Variants in PLEKHG5 observed in about 807,000 individuals in gnomAD.
PLEKHG5 encodes pleckstrin homology and RhoGEF domain containing G5.
In PLEKHG5, 52 loss-of-function variants were observed where a neutral mutation model predicts 103.8. That is an observed-to-expected ratio of 0.50 (90% CI 0.40 to 0.63). The LOEUF (loss-of-function observed/expected upper bound fraction) is 0.63. Among genes scored for constraint, PLEKHG5 ranks in the 30% least tolerant of loss-of-function variants. The pLI is 0.00. For synonymous variants in PLEKHG5, 592 were observed against 575.5 expected (o/e 1.03, Z -0.41); for missense variants, 1,205 against 1,347.6 (o/e 0.89, Z 1.66).
Position 6,467,868 on chromosome 1 carries a change from G to A in PLEKHG5, c.2968C>T (p.Arg990Ter), listed in dbSNP as rs772171318. 5.6e-6 allele frequency: 9 copies of A among 1,612,670 alleles called. No homozygotes were observed. Among genetic ancestry groups the A allele is most frequent in the South Asian group, 1.1e-5 (1 of 90,920 alleles). The change falls in exon 20 of 21, where the codon CGA becomes TGA. Residue 990 changes from arginine (R) to a stop codon, truncating the protein, a stop_gained. Transcript: ENST00000377728. LOFTEE classifies it high-confidence loss of function. Reference sequence around the variant, plus strand: ...TTAAGCAGCAGGGTGGTCCTGATTCGGTAGAGCTGGGCCAGGGTCAGCTTC... The same window carrying A: ...TTAAGCAGCAGGGTGGTCCTGATTCAGTAGAGCTGGGCCAGGGTCAGCTTC... ...HRKLTLAQLY[R>*]IRTTLLLNST...
upstream of PLEKHG5, among the ~76,000 whole-genome samples, chr1:6,493,193 G>A (rs1311639152): frequency 6.6e-6 from 1 of 152,168 alleles, no homozygotes; most frequent in African/African-American, 2.4e-5. Context: ...GCCTGAAATT[G>A]GTCCTTTGCC....
rs1260978878 is a variant in PLEKHG5 at position 6,470,489 on chromosome 1, C to T, written c.1680+17G>A. Reference sequence around the variant, plus strand: ...CCTCTCTCCCAGCCGGCAACCCCCGCAGACACACACGCCCACCTTGTCCAC... The same window carrying T: ...CCTCTCTCCCAGCCGGCAACCCCCGTAGACACACACGCCCACCTTGTCCAC... On this transcript the variant is annotated intron_variant, in intron 15 of 20. Transcript: ENST00000377728. 5 of 1,610,630 alleles carry T rather than the reference C, an allele frequency of 3.1e-6. No individual in the cohort carries two copies. The highest frequency in any genetic ancestry group is 3.4e-6 in the Non-Finnish European group (4 of 1,179,980).
chr1:6,472,636 A>C lies in PLEKHG5; in HGVS notation c.985-14T>G. The stretch of plus-strand genomic sequence containing the variant: ...CCGGGTCAGCTTCTAGAGGGAGGGC[A>C]GGATGGGTCATTCACGAGGCCTGGA... On this transcript the variant is annotated splice_polypyrimidine_tract_variant and intron_variant, in intron 9 of 20. Transcript: ENST00000377728. 6.3e-7 allele frequency: 1 copy of C among 1,597,574 alleles called. No individual in the cohort carries two copies. Among genetic ancestry groups the C allele is most frequent in the Non-Finnish European group, 8.6e-7 (1 of 1,167,344 alleles).
chr1:6,468,903 G>A (rs957257272), intron 19 of PLEKHG5, 139 bp downstream of exon 19: 4 of 791,232 alleles, frequency 5.1e-6, no homozygotes, highest in Non-Finnish European at 8.6e-6. Context: ...CCCGGACTCT[G>A]GGGGAGACAG....
chr1:6,506,739 C>T (rs990314062), intron 1 of PLEKHG5, among the ~76,000 whole-genome samples: 7 of 152,328 alleles, frequency 4.6e-5, no homozygotes, highest in African/African-American at 1.2e-4. Context: ...TCCACTGAGC[C>T]GAGGCCCCCA....
chr1:6,480,713 A>G (rs1054322710), intron 1 of PLEKHG5, among the ~76,000 whole-genome samples: 15 of 151,012 alleles, frequency 9.9e-5, no homozygotes, highest in African/African-American at 3.4e-4. Context: ...CAGTGCCGCA[A>G]TCTCGGCTCA....
In PLEKHG5 at chr1:6,470,999, G is replaced by A. The variant is rs200957791; in HGVS notation, c.1383C>T (p.Ala461=). The A allele has an allele frequency of 2.2e-5, 36 of 1,603,194 alleles. No homozygotes were observed. The East Asian group carries it at 7.7e-4, about 34-fold the overall frequency. ...GCACGCGCGCCCTCACCGTGATGTA[G>A]GCCCGGAAGAGGTCGTTGTCGCGCA... ...GLLRDNDLFR[A]YITWAEKHPQ... The change falls in exon 13 of 21, where the codon GCC becomes GCT. Residue 461 remains alanine (A), a synonymous_variant. Transcript: ENST00000377728.
chr1:6,473,528 G>A, intron 7 of PLEKHG5, 74 bp from the exon 8 acceptor site: 1 of 1,261,946 alleles, frequency 7.9e-7, no homozygotes, highest in East Asian at 2.5e-5. Flanking sequence ...CGGGTTTCCA[G>A]GGCCTCAGGC....
chr1:6,485,416 G>C, intron 1 of PLEKHG5: 1 of 1,343,674 alleles, frequency 7.4e-7, no homozygotes, highest in Middle Eastern at 2.7e-4. Flanking sequence ...GCTGCTAGGC[G>C]TCCGGAGACA....
Position 6,467,188 on chromosome 1 carries a change from G to T in PLEKHG5, c.*375C>A. On this transcript the variant is annotated 3_prime_UTR_variant, in exon 21 of 21. Transcript: ENST00000377728. Reference sequence around the variant, plus strand: ...TAAATACGTAACTTCACAGAACCCAGCCCAAGCCAGGGGTGGCCTGTGGGA... The same window carrying T: ...TAAATACGTAACTTCACAGAACCCATCCCAAGCCAGGGGTGGCCTGTGGGA... 1 of 451,248 alleles carries T rather than the reference G, an allele frequency of 2.2e-6. No homozygotes were observed. The highest frequency in any genetic ancestry group is 4.4e-5 in the East Asian group (1 of 22,586). 28.0% of individuals were successfully genotyped at this position (451,248 alleles called of 1,614,324 possible).
At chr1:6,510,141 T>C (rs1244929597) in intron 1 of PLEKHG5, among the ~76,000 whole-genome samples, 1 of 152,194 alleles carries the variant, frequency 6.6e-6, no homozygotes, top group Non-Finnish European at 1.5e-5. Context: ...AGCCATGCTG[T>C]GGGTGAGTGT....
rs534109969 is a variant in PLEKHG5, at chr1:6,470,682, A to ACGGAG, written c.1543-44_1543-40dup. The ACGGAG allele has an allele frequency of 1.3e-3, 2,092 of 1,554,562 alleles. 2 individuals are homozygous for ACGGAG. Among genetic ancestry groups the ACGGAG allele is most frequent in the Non-Finnish European group, 1.8e-3 (2,038 of 1,154,324 alleles). ...AGGGAGCTTCAGGTCCAGGGTCATGACGGAGCAGAGAGCCGCGCAGGGGGG... is the reference window on the plus strand; with the variant it reads ...AGGGAGCTTCAGGTCCAGGGTCATGACGGAGCGGAGCAGAGAGCCGCGCAGGGGGG... On this transcript the variant is annotated intron_variant, in intron 14 of 20. Transcript: ENST00000377728.
intron 10 of PLEKHG5, among the ~76,000 whole-genome samples, chr1:6,472,052 C>T (rs146153067): frequency 6.6e-6 from 1 of 152,328 alleles, no homozygotes; most frequent in African/African-American, 2.4e-5. Context: ...GAGGGAAGCT[C>T]GGGGGAGACT....
chr1:6,504,805 G>A (rs569851917), intron 1 of PLEKHG5, among the ~76,000 whole-genome samples: 11 of 152,276 alleles, frequency 7.2e-5, no homozygotes, highest in Admixed American at 1.3e-4. Context: ...CCCTGACCTC[G>A]TGATCCGCCT....
At position 6,473,371 on chromosome 1, in the gene PLEKHG5, G is replaced by A; in HGVS notation, c.675C>T (p.Ser225=). ...IPGQEPPTPS[S]CSLPSGSSGS... is the part of the protein sequence containing the mutation. ...CACTGCTGCCGCTGGGCAGAGAGCAGCTGGAGGGCGTGGGGGGCTCCTGCC... is the reference window on the plus strand; with the variant it reads ...CACTGCTGCCGCTGGGCAGAGAGCAACTGGAGGGCGTGGGGGGCTCCTGCC... Residue 225 remains serine (S), a synonymous_variant, in exon 8 of 21, where the codon AGC becomes AGT. Coordinates refer to ENST00000377728, the MANE Select transcript of PLEKHG5 (RefSeq NM_020631.6). 6.5e-7 allele frequency: 1 copy of A among 1,549,564 alleles called. No homozygotes were observed.
chr1:6,477,348 G>A (rs1425129157), intron 2 of PLEKHG5, among the ~76,000 whole-genome samples, 181 bp downstream of exon 2: 1 of 152,238 alleles, frequency 6.6e-6, no homozygotes, highest in Non-Finnish European at 1.5e-5. Flanking sequence ...TCTGGAAGGG[G>A]CACGCTCATG....
chr1:6,497,488 C>G (rs1026992520), upstream of PLEKHG5: 3 of 149,972 alleles, frequency 2.0e-5, no homozygotes, highest in Non-Finnish European at 2.8e-5. The surrounding 1 kb of genome is among the most constrained non-coding windows in gnomAD (Gnocchi z 6.1). Flanking sequence ...GGGCGGGGGG[C>G]GGGGGGACAG....
In PLEKHG5 at chr1:6,515,623, T is replaced by G. The variant is rs1461373803; in HGVS notation, c.-165+3822A>C. ...GGGAGAATCATTTGAGGCCAGGAGT[T>G]GAAACCAGCCTGGACAACAGAGCAA... On this transcript the variant is annotated intron_variant, in intron 1 of 21. Transcript: ENST00000377740. Among the ~76,000 whole-genome samples the G allele has an allele frequency of 2.0e-5, 3 of 151,512 alleles. 1 individual carries two copies. Among genetic ancestry groups the G allele is most frequent in the South Asian group, 4.2e-4 (2 of 4,806 alleles).
intron 1 of PLEKHG5, among the ~76,000 whole-genome samples, chr1:6,489,169 G>A (rs991659635): frequency 2.0e-5 from 3 of 152,200 alleles, no homozygotes; most frequent in Admixed American, 2.0e-4. Flanking sequence ...GCTCCCCTGG[G>A]AGCCTGCTAG....
Sources: gnomAD v4.1 joint callset for allele counts (sites outside exome capture counted in the v4.1 genomes callset) on GRCh38, gnomAD v4.1.1 for gene constraint, Gnocchi (gnomAD v3.1) non-coding constraint, MANE v1.5 for transcripts, NCBI Gene and HGNC (gene_info 2026-07-23, HGNC 2026-07-21) for gene names.